The following RAB31 variants were observed in gnomAD, a reference collection of about 807,000 sequenced individuals.
The protein encoded by RAB31 is RAB31, member RAS oncogene family.
RAB31 carries 21 observed loss-of-function variants against 25.6 expected under a neutral mutation model. That is an observed-to-expected ratio of 0.82 (90% confidence interval 0.58 to 1.18). The LOEUF is 1.18. RAB31 is among the 50% of genes most tolerant of loss of function. The pLI is 0.00. For synonymous variants in RAB31, 87 were observed against 84.0 expected, an observed-to-expected ratio of 1.04 and a Z score of -0.20; for missense variants, 196 against 250.1, an observed-to-expected ratio of 0.78 and a Z score of 1.46.
intron 1 of RAB31, among the ~76,000 whole-genome samples, chr18:9,744,259 G>A (rs1299872948): frequency 2.0e-5 from 3 of 152,142 alleles, no homozygotes; most frequent in Non-Finnish European, 4.4e-5. Flanking sequence ...TAAGTTGTAG[G>A]TAATTGGTAG....
At chr18:9,754,202 G>A (rs945369480) in intron 1 of RAB31, among the ~76,000 whole-genome samples, 1 of 152,206 alleles carries the variant, frequency 6.6e-6, no homozygotes, top group East Asian at 1.9e-4. Flanking sequence ...GTATCTGTGA[G>A]TTCCATGTTT....
rs115588692 is a variant in RAB31 at position 9,859,413 on chromosome 18, C to T, written c.*88C>T. Reference sequence around the variant, plus strand: ...GGACCCTACGCTCGGTGGCCTGGCACCTCACTTTGAGAAGAGTGAGCACAC... The same window carrying T: ...GGACCCTACGCTCGGTGGCCTGGCATCTCACTTTGAGAAGAGTGAGCACAC... On this transcript the variant is annotated 3_prime_UTR_variant, in exon 7 of 7. Transcript: ENST00000578921. The T allele has an allele frequency of 3.3e-3, 3,888 of 1,190,458 alleles. 92 individuals carry two copies. The African/African-American group carries it at 0.052, about 16-fold the overall frequency. 73.7% of individuals were successfully genotyped at this position (1,190,458 alleles called of 1,614,324 possible).
intron 1 of RAB31, among the ~76,000 whole-genome samples, chr18:9,746,727 A>G (rs1016122203): frequency 1.3e-5 from 2 of 152,234 alleles, no homozygotes; most frequent in African/African-American, 4.8e-5. Context: ...TTTAAGTTTA[A>G]TCCCTACTTA....
intron 1 of RAB31, among the ~76,000 whole-genome samples, chr18:9,732,909 A>G (rs2068130775): frequency 6.6e-6 from 1 of 152,110 alleles, no homozygotes; most frequent in South Asian, 2.1e-4. Flanking sequence ...AGCATGACCT[A>G]TATTGAATTC....
intron 1 of RAB31, among the ~76,000 whole-genome samples, chr18:9,753,181 A>G (rs1253328154): frequency 2.0e-5 from 3 of 152,220 alleles, no homozygotes; most frequent in South Asian, 4.1e-4. Context: ...TGATACTGCT[A>G]TGATTTGAAT....
intron 1 of RAB31, among the ~76,000 whole-genome samples, chr18:9,762,537 A>G (rs1478034919): frequency 5.9e-5 from 9 of 152,310 alleles, no homozygotes; most frequent in Admixed American, 5.9e-4. Flanking sequence ...TTCCTTGGAT[A>G]GGAAGTATGA....
At chr18:9,845,826 C>T in intron 6 of RAB31, 135 bp downstream of exon 6, 1 of 1,328,130 alleles carries the variant, frequency 7.5e-7, no homozygotes, top group African/African-American at 1.5e-5. Context: ...ACAAAATCTA[C>T]AGCTATGCAG....
chr18:9,756,163 C>T (rs1351140971), intron 1 of RAB31, among the ~76,000 whole-genome samples: 4 of 152,334 alleles, frequency 2.6e-5, no homozygotes, highest in African/African-American at 9.6e-5. Context: ...AGGGTTTTCT[C>T]AAACTCTGTA....
At chr18:9,830,942 G>A (rs1328205700) in intron 5 of RAB31, among the ~76,000 whole-genome samples, 1 of 152,192 alleles carries the variant, frequency 6.6e-6, no homozygotes, top group Non-Finnish European at 1.5e-5. Context: ...TGGATGTGAA[G>A]TCCACTGTTT....
chr18:9,783,349 AG>A (rs1599036686), intron 2 of RAB31, among the ~76,000 whole-genome samples: 4 of 152,280 alleles, frequency 2.6e-5, no homozygotes, highest in South Asian at 4.1e-4. Context: ...ACCAGGAACC[AG>A]GCAGTCTTCT....
intron 1 of RAB31, among the ~76,000 whole-genome samples, chr18:9,714,441 G>A (rs1238568185): frequency 6.6e-6 from 1 of 152,210 alleles, no homozygotes; most frequent in Non-Finnish European, 1.5e-5. Context: ...AGCTGGTAAT[G>A]CTCACTCACT....
At position 9,748,605 on chromosome 18, in the gene RAB31, T is replaced by TAC. The variant is rs557460505; in HGVS notation, c.40-26672_40-26671insCA. ...TCACATCTGTTGATATTTAAAAATA[T>TAC]AAGGGGACCAGATGCGGTGGCTCAT... On this transcript the variant is annotated intron_variant, in intron 1 of 6. Transcript: ENST00000578921. 5.7e-3 allele frequency among the ~76,000 whole-genome samples: 711 copies of TAC among 123,768 alleles called. 3 individuals carry two copies. The highest frequency in any genetic ancestry group is 8.9e-3 in the Non-Finnish European group (500 of 56,054). The allele number at this position is 123,768 out of a possible 152,430, so 81.2% of individuals were successfully genotyped here. A position where few individuals can be genotyped will look rare whatever the true frequency, so the allele number is the denominator to read the frequency against.
At chr18:9,824,131 C>T (rs936711735) in intron 5 of RAB31, among the ~76,000 whole-genome samples, 2 of 152,102 alleles carry the variant, frequency 1.3e-5, no homozygotes, top group African/African-American at 2.4e-5. Context: ...TCCCAGAAAA[C>T]TGTATTTGAT....
intron 2 of RAB31, chr18:9,786,767 AG>A (rs2068435472): frequency 6.6e-6 from 1 of 152,224 alleles, no homozygotes; most frequent in Non-Finnish European, 1.5e-5. Context: ...CTTCTCTCGG[AG>A]GGATATCTTT....
At chr18:9,798,926 A>G (rs1471235837) in intron 3 of RAB31, among the ~76,000 whole-genome samples, 1 of 152,174 alleles carries the variant, frequency 6.6e-6, no homozygotes, top group East Asian at 1.9e-4. Context: ...CGTTTCTACT[A>G]AAAATAGAAA....
At chr18:9,811,725 A>C (rs919055436) in intron 3 of RAB31, among the ~76,000 whole-genome samples, 1 of 152,176 alleles carries the variant, frequency 6.6e-6, no homozygotes, top group Non-Finnish European at 1.5e-5. Flanking sequence ...TCCCACATAC[A>C]TTTTACCCTA....
In RAB31 at chr18:9,743,172, T is replaced by C. The variant is rs1217233503; in HGVS notation, c.40-32106T>C. ...ATAGTTTTGCTTGAAATAATTTATT[T>C]TCCTTGAATTTTTTGATTTTTATTT... is the stretch of plus-strand genomic sequence containing the variant. On this transcript the variant is annotated intron_variant, in intron 1 of 6. Coordinates refer to ENST00000578921, the MANE Select transcript of RAB31 (RefSeq NM_006868.4). 1.6e-4 allele frequency among the ~76,000 whole-genome samples: 25 copies of C among 152,234 alleles called. 1 individual carries two copies.
At chr18:9,820,874 T>C (rs1230669761) in intron 5 of RAB31, among the ~76,000 whole-genome samples, 3 of 152,080 alleles carry the variant, frequency 2.0e-5, no homozygotes, top group Non-Finnish European at 2.9e-5. Flanking sequence ...CTTTTCATTG[T>C]TTTTCTCTTT....
intron 1 of RAB31, among the ~76,000 whole-genome samples, chr18:9,773,810 C>T (rs536435012): frequency 5.3e-5 from 8 of 152,196 alleles, no homozygotes; most frequent in East Asian, 1.9e-4. Flanking sequence ...AGGCCCATGT[C>T]GCCACACCCG....
Sources: allele counts gnomAD v4.1 joint callset (sites outside exome capture counted in the v4.1 genomes callset), GRCh38; gene constraint gnomAD v4.1.1; transcripts MANE v1.5; gene names NCBI Gene and HGNC (gene_info 2026-07-23, HGNC 2026-07-21).